The following AFF3 variants were observed in gnomAD, a reference collection of about 807,000 sequenced individuals.
AFF3 encodes AF4/FMR2 family member 3.
In AFF3, 32 loss-of-function variants were observed where a neutral mutation model predicts 129.7. The ratio of observed to expected loss-of-function variants is 0.25; its 90% CI spans 0.19 to 0.33. The LOEUF (loss-of-function observed/expected upper bound fraction) is 0.33. Among genes scored for constraint, AFF3 ranks in the 10% least tolerant of loss-of-function variants. The pLI is 1.00. For synonymous variants in AFF3, 644 were observed against 635.4 expected (o/e 1.01, Z -0.20); for missense variants, 1,373 against 1,592.0 (o/e 0.86, Z 2.34).
intron 7 of AFF3, among the ~76,000 whole-genome samples, chr2:99,923,472 C>G (rs556833923): frequency 1.3e-5 from 2 of 152,304 alleles, no homozygotes; most frequent in African/African-American, 4.8e-5. Context: ...TACCCAAGTA[C>G]TCTCAAGAGC....
intron 7 of AFF3, among the ~76,000 whole-genome samples, chr2:99,943,697 G>C (rs966603217): frequency 1.3e-5 from 2 of 152,050 alleles, no homozygotes; most frequent in African/African-American, 4.8e-5. Context: ...TCTACTTCTA[G>C]TGAATTCTGC....
intron 10 of AFF3, among the ~76,000 whole-genome samples, chr2:99,736,879 G>A (rs1680308890): frequency 6.6e-6 from 1 of 152,060 alleles, no homozygotes; most frequent in Non-Finnish European, 1.5e-5. Flanking sequence ...CAAACTGCTG[G>A]GATTACAGGC....
At chr2:99,661,547 C>T (rs1221173048) in intron 12 of AFF3, among the ~76,000 whole-genome samples, 1 of 152,146 alleles carries the variant, frequency 6.6e-6, no homozygotes, top group Non-Finnish European at 1.5e-5. Flanking sequence ...AGGCATATCC[C>T]ATGGCCCAGG....
chr2:100,059,412 A>T (rs2105215332), intron 4 of AFF3, among the ~76,000 whole-genome samples: 1 of 152,334 alleles, frequency 6.6e-6, no homozygotes, highest in Admixed American at 6.5e-5. Context: ...CCACACATGT[A>T]GCATTGGGAT....
At chr2:100,009,504 ATATAT>A (rs1390402955) in intron 4 of AFF3, among the ~76,000 whole-genome samples, 1 of 152,030 alleles carries the variant, frequency 6.6e-6, no homozygotes, top group African/African-American at 2.4e-5. Flanking sequence ...CTTCCTTCTG[ATATAT>A]TTGACACTAT....
At chr2:99,613,496 T>G (rs1241035633) in intron 13 of AFF3, among the ~76,000 whole-genome samples, 1 of 152,164 alleles carries the variant, frequency 6.6e-6, no homozygotes, top group African/African-American at 2.4e-5. Context: ...TATTTTCAAT[T>G]TTATTACCAC....
intron 11 of AFF3, among the ~76,000 whole-genome samples, chr2:99,675,984 T>C (rs1687571344): frequency 1.3e-5 from 1 of 77,044 alleles, no homozygotes; most frequent in Non-Finnish European, 2.9e-5. Flanking sequence ...TCTCCTACTG[T>C]TTTTTTTTTT....
chr2:99,820,870 C>CTTTTTTTTTTTTTT (rs869085194), intron 8 of AFF3, among the ~76,000 whole-genome samples: 1 of 101,710 alleles, frequency 9.8e-6, no homozygotes, highest in Non-Finnish European at 2.0e-5. Flanking sequence ...TCCTCCACAT[C>CTTTTTTTTTTTTTT]TTTTTTTTTT....
intron 7 of AFF3, among the ~76,000 whole-genome samples, chr2:99,915,549 C>A (rs551765902): frequency 1.3e-5 from 2 of 152,098 alleles, no homozygotes; most frequent in Non-Finnish European, 2.9e-5. Context: ...GGCTATCCGA[C>A]GCAGGCACAA....
chr2:100,007,464 G>T lies in AFF3; in HGVS notation c.175-4C>A, dbSNP rs1217605646. On this transcript the variant is annotated splice_region_variant and splice_polypyrimidine_tract_variant and intron_variant, in intron 5 of 24. Coordinates refer to ENST00000672756, the MANE Select transcript of AFF3 (RefSeq NM_001386135.1). The stretch of plus-strand genomic sequence containing the variant: ...AGAGTTCATCCCCCTTGTTAGTCTG[G>T]AGAAAGAAAAACACATCCACGCTAT... The T allele has an allele frequency of 4.4e-6, 7 of 1,608,176 alleles. No homozygotes were observed. The highest frequency in any genetic ancestry group is 5.9e-6 in the Non-Finnish European group (7 of 1,176,976).
At position 99,867,690 on chromosome 2, in the gene AFF3, T is replaced by C. The variant is rs13025136; in HGVS notation, c.874-30166A>G. On this transcript the variant is annotated intron_variant, in intron 7 of 24. Transcript: ENST00000672756. Reference sequence around the variant, plus strand: ...CGGAATGTTCCTTGCTAATGTCTTGTTCTTTCTCTCCATATCCCCCCAATC... The same window carrying C: ...CGGAATGTTCCTTGCTAATGTCTTGCTCTTTCTCTCCATATCCCCCCAATC... 2.0e-5 allele frequency among the ~76,000 whole-genome samples: 3 copies of C among 152,290 alleles called. No homozygotes were observed. The South Asian group carries it at 6.2e-4, about 32-fold the overall frequency.
Position 99,742,113 on chromosome 2 carries a change from T to C in AFF3, c.1039+1991A>G, listed in dbSNP as rs1575840959. ...GCTCACACCTATAATCTCAGCACTT[T>C]TGGAGGCCAAGGCAAGAGGACCGCT... On this transcript the variant is annotated intron_variant, in intron 10 of 24. Coordinates refer to ENST00000672756, the MANE Select transcript of AFF3 (RefSeq NM_001386135.1). Among the ~76,000 whole-genome samples, 3 of 152,118 alleles carry C rather than the reference T, an allele frequency of 2.0e-5. No individual in the cohort carries two copies. In the South Asian group the frequency reaches 6.2e-4, roughly 32 times the overall value.
intron 11 of AFF3, among the ~76,000 whole-genome samples, chr2:99,693,103 G>T (rs1015977269): frequency 6.6e-6 from 1 of 152,220 alleles, no homozygotes; most frequent in African/African-American, 2.4e-5. Flanking sequence ...CAAATGGACA[G>T]ATTCCCAACA....
At chr2:100,103,585 AC>A (rs923565695) in intron 4 of AFF3, among the ~76,000 whole-genome samples, 2 of 151,486 alleles carry the variant, frequency 1.3e-5, no homozygotes, top group African/African-American at 2.4e-5. Context: ...TTTTTAAGAC[AC>A]CCGCAACTGG....
Position 99,744,150 on chromosome 2 carries a change from C to A in AFF3, c.1003-10G>T. ...ATACAAGCTGAGAGTCCTGAAAGAA[C>A]AAGAAATATCAATTAATTTTCTTAT... On this transcript the variant is annotated splice_polypyrimidine_tract_variant and intron_variant, in intron 9 of 24. Coordinates refer to ENST00000672756, the MANE Select transcript of AFF3 (RefSeq NM_001386135.1). 7 of 1,589,192 alleles carry A rather than the reference C, an allele frequency of 4.4e-6. No individual in the cohort carries two copies. The highest frequency in any genetic ancestry group is 5.1e-6 in the Non-Finnish European group (6 of 1,166,556).
chr2:99,726,046 T>C (rs1679336773), intron 11 of AFF3, among the ~76,000 whole-genome samples: 1 of 152,288 alleles, frequency 6.6e-6, no homozygotes, highest in Admixed American at 6.5e-5. Flanking sequence ...AATTAAAAAT[T>C]AGTAACATTT....
At chr2:99,719,344 T>C (rs1171197026) in intron 11 of AFF3, among the ~76,000 whole-genome samples, 1 of 152,180 alleles carries the variant, frequency 6.6e-6, no homozygotes, top group Non-Finnish European at 1.5e-5. Context: ...CTGAATCAGA[T>C]ATGCTAATAT....
At chr2:99,558,992 C>A (rs913332895) in intron 21 of AFF3, 24 bp from the exon 22 acceptor site, 57 of 1,611,886 alleles carry the variant, frequency 3.5e-5, no homozygotes, top group Non-Finnish European at 4.8e-5. Flanking sequence ...GAGAAACAGG[C>A]CCAGAAGCGG....
intron 13 of AFF3, among the ~76,000 whole-genome samples, chr2:99,648,459 C>T (rs887505634): frequency 3.9e-5 from 6 of 152,184 alleles, no homozygotes; most frequent in African/African-American, 1.4e-4. Context: ...CATTCAGAAG[C>T]AGAGCAGTCA....
Sources: allele counts gnomAD v4.1 joint callset (sites outside exome capture counted in the v4.1 genomes callset), GRCh38; gene constraint gnomAD v4.1.1; transcripts MANE v1.5; gene names NCBI Gene and HGNC (gene_info 2026-07-23, HGNC 2026-07-21).